CSMD1: variants seen among roughly 807,000 people sequenced by gnomAD.
CSMD1 encodes the protein CUB and Sushi multiple domains 1, also known as CUB and sushi domain-containing protein 1.
A neutral mutation model predicts 417.5 loss-of-function variants in CSMD1; 213 were observed. That is an observed-to-expected ratio of 0.51 (90% confidence interval 0.46 to 0.57). The LOEUF (loss-of-function observed/expected upper bound fraction) is 0.57, where lower values mean the gene tolerates loss of function less well. CSMD1 is among the 20% of genes least tolerant of loss of function. The pLI is 0.00. For missense variants in CSMD1, 6,923 were observed against 4,529.7 expected (o/e 1.53, Z -15.17); for synonymous variants, 2,862 against 1,736.8 (o/e 1.65, Z -16.11).
At chr8:4,704,046 C>G (rs1807756545) in intron 1 of CSMD1, among the ~76,000 whole-genome samples, 1 of 152,192 alleles carries the variant, frequency 6.6e-6, no homozygotes, top group African/African-American at 2.4e-5. Flanking sequence ...GGCAGTAATG[C>G]TGGTTCCCTG....
At chr8:3,286,277 C>G (rs933565731) in intron 25 of CSMD1, among the ~76,000 whole-genome samples, 1 of 152,128 alleles carries the variant, frequency 6.6e-6, no homozygotes, top group Non-Finnish European at 1.5e-5. Flanking sequence ...AATAGTGCCG[C>G]TATAAACATA....
At chr8:4,582,895 G>C (rs894582512) in intron 2 of CSMD1, among the ~76,000 whole-genome samples, 10 of 152,226 alleles carry the variant, frequency 6.6e-5, no homozygotes, top group African/African-American at 1.9e-4. Context: ...CCGGGTGGGC[G>C]TGGGCTTGGC....
chr8:3,670,008 A>C (rs1039888816), intron 7 of CSMD1, among the ~76,000 whole-genome samples: 2 of 152,148 alleles, frequency 1.3e-5, no homozygotes, highest in African/African-American at 2.4e-5. Context: ...TACATTTCTA[A>C]ATAAGTTATG....
intron 3 of CSMD1, among the ~76,000 whole-genome samples, chr8:4,184,582 A>C (rs1181217677): frequency 6.6e-6 from 1 of 152,152 alleles, no homozygotes; most frequent in African/African-American, 2.4e-5. Flanking sequence ...GGAGCTGTAG[A>C]CCATTATCTT....
At chr8:3,889,247 A>G (rs940289155) in intron 5 of CSMD1, among the ~76,000 whole-genome samples, 1 of 151,844 alleles carries the variant, frequency 6.6e-6, no homozygotes, top group Non-Finnish European at 1.5e-5. Flanking sequence ...GATAAATTAA[A>G]GAGAGATTTC....
chr8:4,523,761 T>C (rs1563254339), intron 2 of CSMD1, among the ~76,000 whole-genome samples: 1 of 152,168 alleles, frequency 6.6e-6, no homozygotes. Flanking sequence ...TAATGCATAT[T>C]AAAATAACAT....
chr8:4,710,428 C>A (rs980414705), intron 1 of CSMD1, among the ~76,000 whole-genome samples: 1 of 145,790 alleles, frequency 6.9e-6, no homozygotes, highest in Admixed American at 6.9e-5. Flanking sequence ...ATATTTAATA[C>A]AATATAAACT....
chr8:3,271,852 T>G (rs1253219260), intron 26 of CSMD1, among the ~76,000 whole-genome samples: 1 of 152,174 alleles, frequency 6.6e-6, no homozygotes, highest in Non-Finnish European at 1.5e-5. Context: ...ATGAGTAGGT[T>G]GTGAAAATTT....
Position 3,343,388 on chromosome 8 carries a change from C to T in CSMD1, c.3537G>A (p.Leu1179=), listed in dbSNP as rs1807788276. ...TGGATGTGCTGTTTAGGATCAGCCCCAGAAGTTCATTTTTAGTGAACGTGC... is the reference window on the plus strand; with the variant it reads ...TGGATGTGCTGTTTAGGATCAGCCCTAGAAGTTCATTTTTAGTGAACGTGC... ...PLGTFTKNEL[L]GLILNSTSNH... The change falls in exon 23 of 70, where the codon CTG becomes CTA. Residue 1179 remains leucine (L), a synonymous_variant. Coordinates refer to ENST00000635120, the MANE Select transcript of CSMD1 (RefSeq NM_033225.6). 1.2e-6 allele frequency: 2 copies of T among 1,613,808 alleles called. No individual in the cohort carries two copies. Among genetic ancestry groups the T allele is most frequent in the African/African-American group, 1.3e-5 (1 of 75,030 alleles).
chr8:3,693,860 C>T (rs1310811681), intron 7 of CSMD1, among the ~76,000 whole-genome samples: 2 of 140,238 alleles, frequency 1.4e-5, no homozygotes, highest in African/African-American at 5.4e-5. Flanking sequence ...ATATTATGTG[C>T]TGTATGTGTG....
intron 1 of CSMD1, among the ~76,000 whole-genome samples, chr8:4,725,219 A>C (rs187849346): frequency 1.8e-4 from 27 of 152,326 alleles, no homozygotes; most frequent in Non-Finnish European, 3.2e-4. Flanking sequence ...TTTAAGTCTT[A>C]TTGCAAGCTG....
chr8:3,448,091 T>G (rs1815414814), intron 12 of CSMD1, among the ~76,000 whole-genome samples: 1 of 151,356 alleles, frequency 6.6e-6, no homozygotes, highest in Non-Finnish European at 1.5e-5. Context: ...ATCCTAAAAA[T>G]AAGATAGAAG....
intron 2 of CSMD1, among the ~76,000 whole-genome samples, chr8:4,473,194 A>C (rs1451668318): frequency 6.6e-6 from 1 of 152,192 alleles, no homozygotes; most frequent in Non-Finnish European, 1.5e-5. Flanking sequence ...TGACGACTTA[A>C]AATTTCAATT....
chr8:3,143,432 G>T (rs530508161), intron 40 of CSMD1, among the ~76,000 whole-genome samples: 15 of 152,156 alleles, frequency 9.9e-5, no homozygotes, highest in Non-Finnish European at 2.2e-4. Context: ...CAAATGACCA[G>T]TATCTCTGAT....
intron 7 of CSMD1, among the ~76,000 whole-genome samples, chr8:3,663,552 C>A (rs2623621): frequency 0.12 from 18,494 of 152,152 alleles, 1,222 homozygotes; most frequent in African/African-American, 0.16. Flanking sequence ...TTACGGCCAA[C>A]CTGCCTCCAA....
In CSMD1 at chr8:3,687,195, C is replaced by T. The variant is rs950421105; in HGVS notation, c.1009+21219G>A. Among the ~76,000 whole-genome samples, 4 of 152,358 alleles carry T rather than the reference C, an allele frequency of 2.6e-5. No individual in the cohort carries two copies. In the East Asian group the frequency reaches 7.7e-4, roughly 29 times the overall value. ...CTCCGTGCAGCTCATAGGAAGGCAA[C>T]CTTCCATCTTGGTTTGCCCAGGGCA... On this transcript the variant is annotated intron_variant, in intron 7 of 69. Transcript: ENST00000635120.
intron 3 of CSMD1, among the ~76,000 whole-genome samples, chr8:4,404,194 C>G (rs1585023153): frequency 6.6e-6 from 1 of 152,128 alleles, no homozygotes; most frequent in Non-Finnish European, 1.5e-5. Context: ...CAACCTATAG[C>G]CTGACAATCC....
At chr8:3,941,446 A>T (rs1200888419) in intron 5 of CSMD1, among the ~76,000 whole-genome samples, 1 of 152,254 alleles carries the variant, frequency 6.6e-6, no homozygotes, top group Non-Finnish European at 1.5e-5. Flanking sequence ...AATTTGATTG[A>T]TTCCTGAAAC....
intron 3 of CSMD1, among the ~76,000 whole-genome samples, chr8:4,309,682 T>A (rs983843315): frequency 1.3e-5 from 2 of 152,086 alleles, no homozygotes; most frequent in Non-Finnish European, 2.9e-5. Context: ...ACCTTACACA[T>A]TTTTTTAGAT....
Sources: gnomAD v4.1 joint callset for allele counts (sites outside exome capture counted in the v4.1 genomes callset) on GRCh38, gnomAD v4.1.1 for gene constraint, MANE v1.5 for transcripts, NCBI Gene and HGNC (gene_info 2026-07-23, HGNC 2026-07-21) for gene names.